The following PCSK2 variants were observed in gnomAD, a reference collection of about 807,000 sequenced individuals.
The protein encoded by PCSK2 is neuroendocrine convertase 2.
Under a neutral mutation model 69.7 loss-of-function variants are expected in PCSK2, and 14 were observed. The observed-to-expected ratio is 0.20, with a 90% CI of 0.13 to 0.31. The LOEUF is 0.31. Ranked by LOEUF, PCSK2 falls within the 10% of genes least tolerant of loss-of-function variation. The pLI, the probability that PCSK2 is intolerant of heterozygous loss-of-function variation, is 1.00. For synonymous variants in PCSK2, 307 were observed against 320.7 expected (o/e 0.96, Z 0.46); for missense variants, 544 against 842.5 (o/e 0.65, Z 4.39).
At chr20:17,290,808 C>T (rs1006506644) in intron 2 of PCSK2, among the ~76,000 whole-genome samples, 1 of 152,060 alleles carries the variant, frequency 6.6e-6, no homozygotes, top group Non-Finnish European at 1.5e-5. Flanking sequence ...CTTGGAAGTC[C>T]GAGAGCATGG....
At chr20:17,341,672 T>C (rs1326690030) in intron 2 of PCSK2, among the ~76,000 whole-genome samples, 2 of 152,236 alleles carry the variant, frequency 1.3e-5, no homozygotes, top group Non-Finnish European at 2.9e-5. Flanking sequence ...TGGCGTGTCT[T>C]GAGTACTTCA....
rs549711149 is a variant in PCSK2 at position 17,304,962 on chromosome 20, G to A, written c.282+44618G>A. Reference sequence around the variant, plus strand: ...TGCTACGGTTAAGCCCACCTCAGCAGGCTGCAGCTCCTCCCAGCTCTCTCT... The same window carrying A: ...TGCTACGGTTAAGCCCACCTCAGCAAGCTGCAGCTCCTCCCAGCTCTCTCT... On this transcript the variant is annotated intron_variant, in intron 2 of 11. Coordinates refer to ENST00000262545, the MANE Select transcript of PCSK2 (RefSeq NM_002594.5). 4.6e-5 allele frequency among the ~76,000 whole-genome samples: 7 copies of A among 152,226 alleles called. No individual in the cohort carries two copies. The South Asian group carries it at 1.2e-3, about 27-fold the overall frequency.
intron 2 of PCSK2, among the ~76,000 whole-genome samples, chr20:17,330,034 A>C (rs1239996577): frequency 6.6e-6 from 1 of 152,262 alleles, no homozygotes; most frequent in African/African-American, 2.4e-5. Context: ...GAAATTAAAT[A>C]ATAATATATT....
In PCSK2 at chr20:17,233,095, G is replaced by A. The variant is rs943393225; in HGVS notation, c.177+5613G>A. Among the ~76,000 whole-genome samples the A allele has an allele frequency of 3.9e-5, 6 of 152,182 alleles. No individual in the cohort carries two copies. In the East Asian group the frequency reaches 5.8e-4, roughly 15 times the overall value. On this transcript the variant is annotated intron_variant, in intron 1 of 11. Coordinates refer to ENST00000262545, the MANE Select transcript of PCSK2 (RefSeq NM_002594.5). ...TGATACCAGTCATAGCCATCAGAAC[G>A]CTCACTGTCCCCAATACACCTCTTG... is the stretch of plus-strand genomic sequence containing the variant.
chr20:17,244,819 T>C (rs1986712180), intron 1 of PCSK2, among the ~76,000 whole-genome samples: 1 of 152,200 alleles, frequency 6.6e-6, no homozygotes, highest in African/African-American at 2.4e-5. Flanking sequence ...CAGGAGGGGA[T>C]TTATGTTGCA....
At chr20:17,412,188 T>G (rs2031890327) in intron 6 of PCSK2, among the ~76,000 whole-genome samples, 1 of 152,116 alleles carries the variant, frequency 6.6e-6, no homozygotes, top group Non-Finnish European at 1.5e-5. Context: ...CTTTGATGAG[T>G]TGACAGAAGT....
At chr20:17,432,356 T>C (rs2032385090) in intron 7 of PCSK2, among the ~76,000 whole-genome samples, 1 of 152,200 alleles carries the variant, frequency 6.6e-6, no homozygotes. Context: ...CTCCGTGACA[T>C]GTAGACCCGC....
intron 1 of PCSK2, 59 bp from the exon 2 acceptor site, chr20:17,260,181 C>T (rs1449219298): frequency 2.8e-6 from 3 of 1,087,882 alleles, no homozygotes; most frequent in Middle Eastern, 2.0e-4. Context: ...CTTTGGTGTC[C>T]CTGTCCCTGG....
At chr20:17,396,400 G>T (rs1303094579) in intron 5 of PCSK2, among the ~76,000 whole-genome samples, 1 of 152,166 alleles carries the variant, frequency 6.6e-6, no homozygotes, top group African/African-American at 2.4e-5. Context: ...CTGAGTCCCG[G>T]AGGGCATCCC....
chr20:17,226,371 C>A (rs1161380893), upstream of PCSK2: 1 of 152,140 alleles, frequency 6.6e-6, no homozygotes, highest in Non-Finnish European at 1.5e-5. Context: ...CATGGATCAC[C>A]CCTAGAAGGT....
intron 5 of PCSK2, among the ~76,000 whole-genome samples, chr20:17,406,286 A>G (rs938165677): frequency 1.3e-5 from 2 of 152,222 alleles, no homozygotes; most frequent in African/African-American, 4.8e-5. Context: ...CTTGCAAAAT[A>G]TGGTTCCTCC....
chr20:17,335,323 G>A (rs1454457640), intron 2 of PCSK2, among the ~76,000 whole-genome samples: 1 of 152,078 alleles, frequency 6.6e-6, no homozygotes, highest in Non-Finnish European at 1.5e-5. Context: ...ATAGCCTCAG[G>A]GGGCTCAGAC....
At chr20:17,451,713 G>C (rs796158199) in intron 8 of PCSK2, among the ~76,000 whole-genome samples, 1 of 152,112 alleles carries the variant, frequency 6.6e-6, no homozygotes, top group Non-Finnish European at 1.5e-5. Flanking sequence ...CATAAATACA[G>C]GGAATCATGA....
At chr20:17,415,357 T>G (rs576220033) in intron 6 of PCSK2, among the ~76,000 whole-genome samples, 4 of 152,184 alleles carry the variant, frequency 2.6e-5, no homozygotes, top group Non-Finnish European at 5.9e-5. Flanking sequence ...CAAAAATCAA[T>G]GTGCAAAAAT....
chr20:17,262,824 T>G (rs1987442341), intron 2 of PCSK2, among the ~76,000 whole-genome samples: 1 of 152,232 alleles, frequency 6.6e-6, no homozygotes, highest in African/African-American at 2.4e-5. Flanking sequence ...ATGTCTTACA[T>G]AGATGTGGCA....
intron 2 of PCSK2, among the ~76,000 whole-genome samples, chr20:17,283,948 A>C (rs1234464358): frequency 6.6e-6 from 1 of 152,198 alleles, no homozygotes; most frequent in East Asian, 1.9e-4. Flanking sequence ...TCATTGCAGG[A>C]GCCATGGCCA....
intron 8 of PCSK2, among the ~76,000 whole-genome samples, chr20:17,450,669 G>A (rs958048778): frequency 1.3e-5 from 2 of 152,130 alleles, no homozygotes; most frequent in African/African-American, 4.8e-5. Context: ...CTGCTTCTAA[G>A]ATGGTGCCTT....
chr20:17,277,592 G>C (rs543255522), intron 2 of PCSK2, among the ~76,000 whole-genome samples: 1 of 146,942 alleles, frequency 6.8e-6, no homozygotes, highest in South Asian at 2.2e-4. Flanking sequence ...AGACTTAAAT[G>C]TTAGACCTAA....
intron 8 of PCSK2, among the ~76,000 whole-genome samples, chr20:17,442,118 G>C (rs900091406): frequency 5.3e-5 from 8 of 151,732 alleles, no homozygotes; most frequent in Non-Finnish European, 1.2e-4. Flanking sequence ...GCATCTACAA[G>C]CCCAGGAGAG....
Sources: allele counts gnomAD v4.1 joint callset (sites outside exome capture counted in the v4.1 genomes callset), GRCh38; gene constraint gnomAD v4.1.1; transcripts MANE v1.5; gene names NCBI Gene and HGNC (gene_info 2026-07-23, HGNC 2026-07-21).